The following VCF1 variants were observed in gnomAD, a reference collection of about 807,000 sequenced individuals.
VCF1 encodes VCP nuclear cofactor family member 1.
the VCF1 span, among the ~76,000 whole-genome samples, chr17:73,225,900 T>TATATATATATATATATATA: frequency 1.3e-5 from 1 of 77,868 alleles, no homozygotes; most frequent in African/African-American, 6.5e-5. Context: ...TATATATATA[T>TATATATATATATATATATA]TTTTTTTTTT....
At chr17:73,213,445 T>C in the VCF1 span, among the ~76,000 whole-genome samples, 1 of 152,222 alleles carries the variant, frequency 6.6e-6, no homozygotes, top group Non-Finnish European at 1.5e-5. Context: ...TTTTACATCA[T>C]TTCAGTTCAT....
chr17:73,211,567 C>CAA, the VCF1 span, among the ~76,000 whole-genome samples: 76,399 of 131,532 alleles, frequency 0.58, 21,560 homozygotes, highest in Middle Eastern at 0.63. Flanking sequence ...GACTTCATCT[C>CAA]AAAAAAAAAA....
the VCF1 span, chr17:73,208,068 G>T: frequency 3.0e-4 from 422 of 1,401,274 alleles, no homozygotes; most frequent in Admixed American, 4.0e-4. Context: ...GTGGAGAGAA[G>T]TGCCTGTGTC....
chr17:73,215,704 G>A, the VCF1 span, among the ~76,000 whole-genome samples: 6 of 152,206 alleles, frequency 3.9e-5, no homozygotes, highest in Non-Finnish European at 5.9e-5. Context: ...TGTACAAGGC[G>A]TTCCACTAGG....
At chr17:73,207,535 GA>G in the VCF1 span, 1 of 608,548 alleles carries the variant, frequency 1.6e-6, no homozygotes, top group Admixed American at 2.5e-5. Context: ...TTAGTAGGGT[GA>G]AAGAGTTAAC....
At chr17:73,213,767 C>T in the VCF1 span, among the ~76,000 whole-genome samples, 70 of 152,158 alleles carry the variant, frequency 4.6e-4, no homozygotes, top group Admixed American at 2.2e-3. Context: ...GCCAGGAGTT[C>T]GAGACCAGCC....
At chr17:73,219,476 C>T in the VCF1 span, among the ~76,000 whole-genome samples, 1 of 150,872 alleles carries the variant, frequency 6.6e-6, no homozygotes, top group Non-Finnish European at 1.5e-5. Context: ...TGTGGAACCC[C>T]GTCTCTACTA....
the VCF1 span, among the ~76,000 whole-genome samples, chr17:73,227,453 G>C: frequency 6.6e-6 from 1 of 152,194 alleles, no homozygotes; most frequent in Non-Finnish European, 1.5e-5. Context: ...AAAAATACAA[G>C]ACAGCAGCAG....
At chr17:73,231,097 G>A in the VCF1 span, among the ~76,000 whole-genome samples, 1 of 152,232 alleles carries the variant, frequency 6.6e-6, no homozygotes, top group East Asian at 1.9e-4. Flanking sequence ...ACAAGGAGAG[G>A]CTTTATGCTC....
At chr17:73,232,336 C>A in the VCF1 span, 1 of 1,537,662 alleles carries the variant, frequency 6.5e-7, no homozygotes, top group Non-Finnish European at 8.8e-7. Context: ...CGCCCTCTCG[C>A]GGCTGCGCAG....
the VCF1 span, among the ~76,000 whole-genome samples, chr17:73,223,868 C>A: frequency 6.6e-6 from 1 of 151,852 alleles, no homozygotes; most frequent in South Asian, 2.1e-4. Context: ...GTAGTCCCAG[C>A]ACCTCAGGAG....
chr17:73,211,435 G>C, the VCF1 span, among the ~76,000 whole-genome samples: 1 of 152,160 alleles, frequency 6.6e-6, no homozygotes, highest in Admixed American at 6.5e-5. Flanking sequence ...CGGGCATGGT[G>C]GCAGGCGGCT....
chr17:73,229,423 A>G, the VCF1 span: 165 of 985,350 alleles, frequency 1.7e-4, no homozygotes, highest in Non-Finnish European at 1.9e-4. Context: ...AGGCACCCCT[A>G]TAACTGATTA....
chr17:73,220,991 C>T, the VCF1 span, among the ~76,000 whole-genome samples: 2 of 148,602 alleles, frequency 1.3e-5, no homozygotes, highest in Non-Finnish European at 3.0e-5. Context: ...CTCCGCCTCC[C>T]GGGTCCAAGC....
the VCF1 span, chr17:73,209,390 A>T: frequency 1.4e-5 from 16 of 1,138,552 alleles, no homozygotes; most frequent in Non-Finnish European, 1.1e-5. Context: ...ACTGCCTGTT[A>T]ACCTGTTATT....
chr17:73,215,927 G>A, the VCF1 span, among the ~76,000 whole-genome samples: 1 of 152,088 alleles, frequency 6.6e-6, no homozygotes, highest in Non-Finnish European at 1.5e-5. Context: ...ATGACCAATG[G>A]GAACAAGAGC....
chr17:73,219,780 C>T, the VCF1 span, among the ~76,000 whole-genome samples: 1 of 152,026 alleles, frequency 6.6e-6, no homozygotes. Context: ...CGAGATCAGC[C>T]TGGGCAACAT....
At chr17:73,213,868 G>A in the VCF1 span, among the ~76,000 whole-genome samples, 1 of 152,142 alleles carries the variant, frequency 6.6e-6, no homozygotes, top group Non-Finnish European at 1.5e-5. Context: ...TTCTCAGGAG[G>A]CTGAGACAGC....
chr17:73,231,849 G>T, the VCF1 span, among the ~76,000 whole-genome samples: 1 of 152,016 alleles, frequency 6.6e-6, no homozygotes, highest in Non-Finnish European at 1.5e-5. Context: ...AGACAGGGGG[G>T]AAAAAAGATG....
Sources: gnomAD v4.1 joint callset for allele counts (sites outside exome capture counted in the v4.1 genomes callset) on GRCh38, gnomAD v4.1.1 for gene constraint, MANE v1.5 for transcripts, NCBI Gene and HGNC (gene_info 2026-07-23, HGNC 2026-07-21) for gene names.